The following SORCS3 variants were observed in gnomAD, a reference collection of about 807,000 sequenced individuals.
SORCS3 encodes the protein VPS10 domain-containing receptor SorCS3.
In SORCS3, 57 loss-of-function variants were observed where a neutral mutation model predicts 146.3. The ratio of observed to expected loss-of-function variants is 0.39; its 90% CI spans 0.31 to 0.49. The LOEUF (loss-of-function observed/expected upper bound fraction) is 0.49. Among genes scored for constraint, SORCS3 ranks in the 20% least tolerant of loss-of-function variants. SORCS3 has a pLI of 0.92. For missense variants in SORCS3, 1,341 were observed against 1,575.5 expected, an observed-to-expected ratio of 0.85 and a Z score of 2.52; for synonymous variants, 653 against 618.5, an observed-to-expected ratio of 1.06 and a Z score of -0.83.
chr10:105,091,522 C>G (rs2055708685), intron 6 of SORCS3, among the ~76,000 whole-genome samples: 1 of 138,998 alleles, frequency 7.2e-6, no homozygotes, highest in South Asian at 2.4e-4. Context: ...TCCTTCGTTC[C>G]TTCCTTCCTT....
Position 105,007,252 on chromosome 10 carries a change from G to C in SORCS3, c.954+29759G>C, listed in dbSNP as rs190669894. 1.5e-3 allele frequency among the ~76,000 whole-genome samples: 230 copies of C among 152,278 alleles called. 1 individual carries two copies. Among genetic ancestry groups the C allele is most frequent in the Middle Eastern group, 3.4e-3 (1 of 294 alleles). On this transcript the variant is annotated intron_variant, in intron 4 of 26. Transcript: ENST00000369701. ...TGCAGCCCTGTGTTCAGTGTTATGA[G>C]AGATACAGAAAAATATGTGATATAA...
At chr10:105,039,887 C>T (rs1313466995) in intron 4 of SORCS3, among the ~76,000 whole-genome samples, 6 of 152,150 alleles carry the variant, frequency 3.9e-5, no homozygotes, top group Admixed American at 2.0e-4. Context: ...GATGGAGACT[C>T]TAACAGTGTC....
intron 22 of SORCS3, among the ~76,000 whole-genome samples, chr10:105,251,336 C>T (rs1263179025): frequency 2.6e-5 from 4 of 152,112 alleles, no homozygotes; most frequent in Non-Finnish European, 5.9e-5. Flanking sequence ...CCCCAGGATT[C>T]GATCACCTCC....
intron 2 of SORCS3, among the ~76,000 whole-genome samples, chr10:104,867,885 C>T (rs1352247798): frequency 6.6e-6 from 1 of 152,138 alleles, no homozygotes; most frequent in Non-Finnish European, 1.5e-5. Flanking sequence ...AAAATTGACC[C>T]ATCAATGTTA....
intron 25 of SORCS3, among the ~76,000 whole-genome samples, chr10:105,261,609 A>G (rs2119775204): frequency 6.6e-6 from 1 of 152,306 alleles, no homozygotes; most frequent in Admixed American, 6.5e-5. Flanking sequence ...GTGAGGAGAT[A>G]ATGAAGATGG....
At chr10:105,072,281 G>T (rs987730007) in intron 5 of SORCS3, among the ~76,000 whole-genome samples, 18 of 152,086 alleles carry the variant, frequency 1.2e-4, no homozygotes, top group Admixed American at 1.3e-4. Context: ...TCTCACGTTA[G>T]CCCTTTTAGC....
At chr10:105,193,094 C>T (rs2119597518) in intron 14 of SORCS3, among the ~76,000 whole-genome samples, 1 of 152,124 alleles carries the variant, frequency 6.6e-6, no homozygotes, top group African/African-American at 2.4e-5. Flanking sequence ...GAACCGCCTC[C>T]CTCCCTCAAA....
intron 3 of SORCS3, among the ~76,000 whole-genome samples, chr10:104,972,136 C>T (rs374632315): frequency 3.5e-4 from 53 of 152,092 alleles, no homozygotes; most frequent in African/African-American, 1.2e-3. Flanking sequence ...GCCAGGAGTT[C>T]GAGACCAGCC....
At chr10:105,242,736 TTATATATTTA>T (rs1453673455) in intron 20 of SORCS3, among the ~76,000 whole-genome samples, 1 of 104,554 alleles carries the variant, frequency 9.6e-6, no homozygotes, top group Admixed American at 1.4e-4. Flanking sequence ...TTATATATAT[TTATATATTTA>T]TATATATTTA....
chr10:104,813,993 T>A (rs2017768768), intron 1 of SORCS3, among the ~76,000 whole-genome samples: 1 of 151,892 alleles, frequency 6.6e-6, no homozygotes, highest in South Asian at 2.1e-4. Flanking sequence ...ACTTATGTTT[T>A]TTTCCCCCTA....
At position 104,779,340 on chromosome 10, in the gene SORCS3, A is replaced by C. The variant is rs575848541; in HGVS notation, c.628-63452A>C. ...ATACTCTTCCTCTGGCCTCATATCC[A>C]GAGATGCTGAGCTCTGTGCCAGGCA... On this transcript the variant is annotated intron_variant, in intron 1 of 26. Transcript: ENST00000369701. Among the ~76,000 whole-genome samples, 3 of 152,346 alleles carry C rather than the reference A, an allele frequency of 2.0e-5. No homozygotes were observed. The East Asian group carries it at 5.8e-4, about 29-fold the overall frequency.
At chr10:104,977,984 C>A (rs1297862800) in intron 4 of SORCS3, among the ~76,000 whole-genome samples, 1 of 152,084 alleles carries the variant, frequency 6.6e-6, no homozygotes, top group African/African-American at 2.4e-5. Context: ...CCCGCCTCGG[C>A]CTCCCAAAGT....
intron 1 of SORCS3, among the ~76,000 whole-genome samples, chr10:104,715,504 C>T (rs2016466121): frequency 6.6e-6 from 1 of 152,152 alleles, no homozygotes; most frequent in African/African-American, 2.4e-5. Flanking sequence ...GACTTCTCAG[C>T]CTCCATAATT....
At chr10:104,695,198 C>CTTCACTTATTTTCACTTATAGGA (rs2016160064) in intron 1 of SORCS3, among the ~76,000 whole-genome samples, 1 of 151,996 alleles carries the variant, frequency 6.6e-6, no homozygotes, top group South Asian at 2.1e-4. Flanking sequence ...AGAATCTTCC[C>CTTCACTTATTTTCACTTATAGGA]AGAGATATTT....
chr10:104,652,757 T>A (rs955713042), intron 1 of SORCS3, among the ~76,000 whole-genome samples: 11 of 152,318 alleles, frequency 7.2e-5, no homozygotes, highest in African/African-American at 2.2e-4. Flanking sequence ...TTGCCCCAGG[T>A]TGTGACCTGT....
chr10:105,120,459 T>C (rs2055924156), intron 7 of SORCS3, among the ~76,000 whole-genome samples: 1 of 152,146 alleles, frequency 6.6e-6, no homozygotes, highest in African/African-American at 2.4e-5. Context: ...ATGACCCCAA[T>C]GTTCCCTGCT....
At chr10:105,193,085 A>G (rs1461993968) in intron 14 of SORCS3, among the ~76,000 whole-genome samples, 1 of 152,098 alleles carries the variant, frequency 6.6e-6, no homozygotes, top group Non-Finnish European at 1.5e-5. Flanking sequence ...TATTTTTGTG[A>G]ACCGCCTCCC....
chr10:104,887,109 A>G (rs2018696802), intron 2 of SORCS3, among the ~76,000 whole-genome samples: 1 of 152,246 alleles, frequency 6.6e-6, no homozygotes, highest in South Asian at 2.1e-4. Context: ...TTGGGGAGAC[A>G]AAAGATTCAC....
At chr10:104,840,502 A>G (rs914664041) in intron 1 of SORCS3, among the ~76,000 whole-genome samples, 3 of 152,162 alleles carry the variant, frequency 2.0e-5, no homozygotes, top group Non-Finnish European at 2.9e-5. Flanking sequence ...TTTCTCCCCT[A>G]CTAGACTAGA....
Sources: gnomAD v4.1 joint callset for allele counts (sites outside exome capture counted in the v4.1 genomes callset) on GRCh38, gnomAD v4.1.1 for gene constraint, MANE v1.5 for transcripts, NCBI Gene and HGNC (gene_info 2026-07-23, HGNC 2026-07-21) for gene names.